The following RAB11FIP3 variants were observed in gnomAD, a reference collection of about 807,000 sequenced individuals.
RAB11FIP3 encodes the protein RAB11 family interacting protein 3.
A neutral mutation model predicts 77.8 loss-of-function variants in RAB11FIP3; 17 were observed. The observed-to-expected ratio is 0.22, with a 90% CI of 0.15 to 0.33. RAB11FIP3 has a LOEUF of 0.33. RAB11FIP3 is among the 10% of genes least tolerant of loss of function. RAB11FIP3 has a pLI of 1.00. For missense variants in RAB11FIP3, 1,005 were observed against 1,011.2 expected (o/e 0.99, Z 0.08); for synonymous variants, 437 against 448.2 (o/e 0.98, Z 0.31).
At chr16:446,774 C>T (rs1484845365) in intron 1 of RAB11FIP3, among the ~76,000 whole-genome samples, 5 of 152,034 alleles carry the variant, frequency 3.3e-5, no homozygotes, top group African/African-American at 1.2e-4. Context: ...CAGCTCACTG[C>T]AACCTCCGCC....
At chr16:433,548 G>A (rs976766193) in intron 1 of RAB11FIP3, among the ~76,000 whole-genome samples, 78 of 151,284 alleles carry the variant, frequency 5.2e-4, no homozygotes, top group Admixed American at 5.3e-4. Context: ...ATTTTTTTAC[G>A]TGGCCAAATA....
chr16:502,841 A>T (rs1360108796), intron 6 of RAB11FIP3, 163 bp from the exon 7 acceptor site: 9 of 657,806 alleles, frequency 1.4e-5, no homozygotes, highest in Admixed American at 2.7e-5. Flanking sequence ...CCCCCTGTAT[A>T]TAGTGCTTTA....
chr16:446,841 C>T (rs1489970607), intron 1 of RAB11FIP3, among the ~76,000 whole-genome samples: 2 of 152,102 alleles, frequency 1.3e-5, no homozygotes, highest in Non-Finnish European at 2.9e-5. Flanking sequence ...GCTGGGATTA[C>T]AGGCACATGC....
In RAB11FIP3 at chr16:492,388, A is replaced by AGACCCGAGGCCGCCCAGG. The variant is rs1567391932; in HGVS notation, c.1265+3389_1265+3390insACCCGAGGCCGCCCAGGG. On this transcript the variant is annotated intron_variant, in intron 5 of 13. Transcript: ENST00000262305. ...TCCCGGGAGACCCGAGGCCGCCCAG[A>AGACCCGAGGCCGCCCAGG]GCCCTCCCCGGGAGACCCGAGGCCG... Among the ~76,000 whole-genome samples the AGACCCGAGGCCGCCCAGG allele has an allele frequency of 3.1e-3, 121 of 39,482 alleles. 10 individuals carry two copies. Among genetic ancestry groups the AGACCCGAGGCCGCCCAGG allele is most frequent in the East Asian group, 6.2e-3 (8 of 1,298 alleles). 25.9% of individuals were successfully genotyped at this position (39,482 alleles called of 152,430 possible).
chr16:440,167 C>A (rs1021257032), intron 1 of RAB11FIP3, among the ~76,000 whole-genome samples: 8 of 151,468 alleles, frequency 5.3e-5, no homozygotes, highest in African/African-American at 1.9e-4. Flanking sequence ...ATATTTATTT[C>A]TTTACTTTTA....
chr16:475,050 G>A (rs1207222260), intron 3 of RAB11FIP3: 2 of 1,551,726 alleles, frequency 1.3e-6, no homozygotes, highest in Admixed American at 2.0e-5. Flanking sequence ...CTGAAGGTGT[G>A]TACAGAGCCA....
chr16:454,758 C>A (rs1198219687), intron 1 of RAB11FIP3, among the ~76,000 whole-genome samples: 8 of 152,048 alleles, frequency 5.3e-5, no homozygotes, highest in African/African-American at 1.9e-4. Flanking sequence ...TAAGAACAGG[C>A]TTTCTTGGCC....
intron 1 of RAB11FIP3, among the ~76,000 whole-genome samples, chr16:436,728 C>T (rs1273431038): frequency 2.0e-5 from 3 of 152,090 alleles, no homozygotes; most frequent in Non-Finnish European, 4.4e-5. Context: ...CCTCGGCGTC[C>T]GAAAGTGCTG....
rs529967472 is a variant in RAB11FIP3, at chr16:484,795, T to C, written c.1115+2059T>C. Among the ~76,000 whole-genome samples, 4 of 152,338 alleles carry C rather than the reference T, an allele frequency of 2.6e-5. No homozygotes were observed. The South Asian group carries it at 6.2e-4, about 24-fold the overall frequency. ...TCGTTGGCTTTGAGGGTGAAACTGCTGTAGGGATTCCATGTCTTTGGGAGC... is the reference window on the plus strand; with the variant it reads ...TCGTTGGCTTTGAGGGTGAAACTGCCGTAGGGATTCCATGTCTTTGGGAGC... On this transcript the variant is annotated intron_variant, in intron 4 of 13. Coordinates refer to ENST00000262305, the MANE Select transcript of RAB11FIP3 (RefSeq NM_014700.4).
At chr16:502,242 C>T (rs976751980) in intron 6 of RAB11FIP3, among the ~76,000 whole-genome samples, 6 of 152,244 alleles carry the variant, frequency 3.9e-5, no homozygotes, top group East Asian at 1.9e-4. Context: ...CACAAGCACG[C>T]GCTTACTGCG....
At chr16:484,025 G>A (rs894955958) in intron 4 of RAB11FIP3, among the ~76,000 whole-genome samples, 9 of 152,026 alleles carry the variant, frequency 5.9e-5, no homozygotes, top group African/African-American at 2.2e-4. Flanking sequence ...AGGGCTTCCT[G>A]GGGCGGCATC....
chr16:497,558 C>G, intron 6 of RAB11FIP3: 1 of 929,934 alleles, frequency 1.1e-6, no homozygotes, highest in Non-Finnish European at 1.4e-6. Flanking sequence ...TGGAGCATCC[C>G]CTCTGGAGCC....
At chr16:434,255 G>A (rs1293347850) in intron 1 of RAB11FIP3, among the ~76,000 whole-genome samples, 4 of 152,168 alleles carry the variant, frequency 2.6e-5, no homozygotes, top group African/African-American at 9.7e-5. Context: ...CTTAGTAGCT[G>A]GGATTACAAG....
intron 4 of RAB11FIP3, among the ~76,000 whole-genome samples, chr16:484,356 A>AT (rs570885979): frequency 0.15 from 21,857 of 144,928 alleles, 2,278 homozygotes; most frequent in African/African-American, 0.3. Flanking sequence ...GGATTTAGCC[A>AT]TTTTTTTTTT....
intron 1 of RAB11FIP3, among the ~76,000 whole-genome samples, chr16:436,443 C>T (rs2055129612): frequency 6.6e-6 from 1 of 152,096 alleles, no homozygotes; most frequent in African/African-American, 2.4e-5. Context: ...CAGGGGCATG[C>T]CCCCACACCC....
At position 472,662 on chromosome 16, in the gene RAB11FIP3, C is replaced by T. The variant is rs772897728; in HGVS notation, c.903+1273C>T. Among the ~76,000 whole-genome samples the T allele has an allele frequency of 3.3e-5, 5 of 152,216 alleles. No homozygotes were observed. The highest frequency in any genetic ancestry group is 5.9e-5 in the Non-Finnish European group (4 of 68,038). ...GTTCATGTGCCTGTGCACTCTTTCT[C>T]ACGTGTATCCGTCTTTTTGTTCCCC... On this transcript the variant is annotated intron_variant, in intron 3 of 13. Transcript: ENST00000262305. This position sits in a 1 kb window ranked among gnomAD's most constrained non-coding sequence, Gnocchi z 4.1.
intron 1 of RAB11FIP3, among the ~76,000 whole-genome samples, chr16:448,391 G>C (rs1483673890): frequency 1.3e-5 from 2 of 151,004 alleles, no homozygotes; most frequent in South Asian, 4.2e-4. Context: ...ATCACCTGAG[G>C]TCAGGAGTTT....
chr16:463,068 C>G (rs1220552167), intron 2 of RAB11FIP3, among the ~76,000 whole-genome samples: 1 of 152,142 alleles, frequency 6.6e-6, no homozygotes, highest in Admixed American at 6.6e-5. Flanking sequence ...GGGGTAAACT[C>G]GGTTCTTCAC....
At chr16:438,065 T>C (rs1277748217) in intron 1 of RAB11FIP3, among the ~76,000 whole-genome samples, 1 of 151,592 alleles carries the variant, frequency 6.6e-6, no homozygotes, top group African/African-American at 2.4e-5. Context: ...CACCTTGGCC[T>C]CCCAAAGTGC....
Sources: gnomAD v4.1 joint callset for allele counts (sites outside exome capture counted in the v4.1 genomes callset) on GRCh38, gnomAD v4.1.1 for gene constraint, Gnocchi (gnomAD v3.1) non-coding constraint, MANE v1.5 for transcripts, NCBI Gene and HGNC (gene_info 2026-07-23, HGNC 2026-07-21) for gene names.